TAOK3: variants seen among roughly 807,000 people sequenced by gnomAD.
The protein encoded by TAOK3 is TAO kinase 3.
A neutral mutation model predicts 120.4 loss-of-function variants in TAOK3; 40 were observed. The observed-to-expected ratio is 0.33, with a 90% CI of 0.26 to 0.43. The LOEUF (loss-of-function observed/expected upper bound fraction) is 0.43. Among genes scored for constraint, TAOK3 ranks in the 20% least tolerant of loss-of-function variants. The pLI is 1.00. For synonymous variants in TAOK3, 355 were observed against 387.5 expected, an observed-to-expected ratio of 0.92 and a Z score of 0.99; for missense variants, 821 against 1,112.1, an observed-to-expected ratio of 0.74 and a Z score of 3.72.
intron 1 of TAOK3, among the ~76,000 whole-genome samples, chr12:118,354,861 T>C (rs371055795): frequency 2.6e-5 from 4 of 152,086 alleles, no homozygotes; most frequent in Admixed American, 2.6e-4. Flanking sequence ...CTTTCCTGTA[T>C]AAATTACCCA....
chr12:118,165,125 T>C (rs2035497924), intron 17 of TAOK3, among the ~76,000 whole-genome samples: 1 of 152,316 alleles, frequency 6.6e-6, no homozygotes, highest in African/African-American at 2.4e-5. Context: ...ATCTCTCTCA[T>C]CTCCTCCCGT....
chr12:118,368,544 G>A (rs759498693), intron 1 of TAOK3, among the ~76,000 whole-genome samples: 1 of 146,536 alleles, frequency 6.8e-6, no homozygotes, highest in East Asian at 2.2e-4. Flanking sequence ...GGTGGCTCAC[G>A]CCTGTAATCC....
At chr12:118,176,860 G>A (rs951817080) in intron 16 of TAOK3, among the ~76,000 whole-genome samples, 3 of 151,732 alleles carry the variant, frequency 2.0e-5, no homozygotes, top group African/African-American at 7.3e-5. Flanking sequence ...TCTGCCTCTT[G>A]GGTTCAGGTG....
intron 1 of TAOK3, among the ~76,000 whole-genome samples, chr12:118,327,449 C>T (rs2043979590): frequency 6.6e-6 from 1 of 152,248 alleles, no homozygotes; most frequent in East Asian, 1.9e-4. Context: ...AGTATATTCA[C>T]TTTGAAAGAA....
At chr12:118,209,697 C>CTCT (rs995139805) in intron 11 of TAOK3, among the ~76,000 whole-genome samples, 15 of 145,194 alleles carry the variant, frequency 1.0e-4, no homozygotes, top group African/African-American at 3.1e-4. Flanking sequence ...TTGCACCCGG[C>CTCT]TCTTCTTCTT....
At position 118,169,553 on chromosome 12, in the gene TAOK3, C is replaced by T. The variant is rs187739876; in HGVS notation, c.1899+2904G>A. ...CTCGAACTCCTGACCTCAAGTGATC[C>T]GCCTGCCTGAGCCTCCCAAAGTGCT... On this transcript the variant is annotated intron_variant, in intron 17 of 20. Transcript: ENST00000392533. Among the ~76,000 whole-genome samples the T allele has an allele frequency of 7.6e-3, 1,158 of 152,080 alleles. 7 individuals carry two copies. Among genetic ancestry groups the T allele is most frequent in the African/African-American group, 0.026 (1,094 of 41,488 alleles).
At chr12:118,168,955 G>C in intron 17 of TAOK3, among the ~76,000 whole-genome samples, 2 of 140,294 alleles carry the variant, frequency 1.4e-5, no homozygotes, top group African/African-American at 5.4e-5. Context: ...CAGCTTGCTT[G>C]CTTTCCTTCC....
chr12:118,207,030 TA>T (rs1164451365), intron 11 of TAOK3, among the ~76,000 whole-genome samples: 1 of 151,632 alleles, frequency 6.6e-6, no homozygotes, highest in Non-Finnish European at 1.5e-5. Flanking sequence ...GAAAAATGTA[TA>T]AAAAAAGAAA....
chr12:118,238,295 A>G (rs61945206), intron 6 of TAOK3, 126 bp from the exon 7 acceptor site: 63,936 of 524,860 alleles, frequency 0.12, 4,368 homozygotes, highest in Non-Finnish European at 0.14. Context: ...ACATTCACCT[A>G]GATCTTCTAT....
intron 1 of TAOK3, among the ~76,000 whole-genome samples, chr12:118,317,773 T>C (rs1325242831): frequency 3.3e-5 from 5 of 152,078 alleles, no homozygotes; most frequent in South Asian, 2.1e-4. Flanking sequence ...AAAATCCATA[T>C]GATTTCAAAG....
At chr12:118,223,037 G>T (rs1022981251) in intron 9 of TAOK3, among the ~76,000 whole-genome samples, 1 of 151,122 alleles carries the variant, frequency 6.6e-6, no homozygotes, top group African/African-American at 2.4e-5. Context: ...TACCTGAAAA[G>T]GTATAAGGGT....
intron 2 of TAOK3, among the ~76,000 whole-genome samples, chr12:118,258,049 C>T (rs2041064083): frequency 6.6e-6 from 1 of 152,124 alleles, no homozygotes; most frequent in South Asian, 2.1e-4. Context: ...TAGGATGACT[C>T]AGCCTGTTTT....
chr12:118,339,274 A>ATTTT (rs2044502690), intron 1 of TAOK3, among the ~76,000 whole-genome samples: 1 of 104,918 alleles, frequency 9.5e-6, no homozygotes, highest in African/African-American at 3.9e-5. Flanking sequence ...TCTTCATCAT[A>ATTTT]CTTTTTTTTT....
chr12:118,323,533 C>T (rs756989826), intron 1 of TAOK3, among the ~76,000 whole-genome samples: 91 of 152,150 alleles, frequency 6.0e-4, no homozygotes, highest in Non-Finnish European at 1.1e-3. Flanking sequence ...CAAAGAAACA[C>T]TTATTAATTT....
rs532560540 is a variant in TAOK3, at chr12:118,348,586, G to C, written c.-194+24062C>G. Among the ~76,000 whole-genome samples the C allele has an allele frequency of 3.7e-4, 56 of 151,584 alleles. No homozygotes were observed. The South Asian group carries it at 0.011, about 29-fold the overall frequency. ...CTGCCTCAACTACCCGAGTAGCTCG[G>C]ACTACAGGTGCCCGCCACCACGCCT... On this transcript the variant is annotated intron_variant, in intron 1 of 20. Coordinates refer to ENST00000392533, the MANE Select transcript of TAOK3 (RefSeq NM_016281.4).
chr12:118,247,503 A>G (rs541021063), intron 3 of TAOK3, among the ~76,000 whole-genome samples: 2 of 151,936 alleles, frequency 1.3e-5, no homozygotes, highest in Non-Finnish European at 2.9e-5. Context: ...ACACACACAC[A>G]TACATACGTA....
At chr12:118,351,015 C>CA (rs1295871560) in intron 1 of TAOK3, among the ~76,000 whole-genome samples, 1 of 150,810 alleles carries the variant, frequency 6.6e-6, no homozygotes, top group Non-Finnish European at 1.5e-5. Context: ...CCCATCTCTA[C>CA]AAAAAATACA....
At position 118,150,693 on chromosome 12, in the gene TAOK3, T is replaced by C; in HGVS notation, c.*304A>G. On this transcript the variant is annotated 3_prime_UTR_variant, in exon 21 of 21. Coordinates refer to ENST00000392533, the MANE Select transcript of TAOK3 (RefSeq NM_016281.4). ...TTTTTTGTTGTTGGTTTATTGGTTT[T>C]GTTAAAACTGTCTCCAAAGTTTTCA... is the stretch of plus-strand genomic sequence containing the variant. The C allele has an allele frequency of 4.2e-6, 1 of 240,420 alleles. No homozygotes were observed. The highest frequency in any genetic ancestry group is 8.0e-5 in the East Asian group (1 of 12,474). The allele number at this position is 240,420 out of a possible 1,614,324, so 14.9% of individuals were successfully genotyped here. A position where few individuals can be genotyped will look rare whatever the true frequency, so the allele number is the denominator to read the frequency against.
chr12:118,355,895 G>A (rs975815074), intron 1 of TAOK3, among the ~76,000 whole-genome samples: 2 of 152,118 alleles, frequency 1.3e-5, no homozygotes, highest in Non-Finnish European at 2.9e-5. Context: ...CTGAGGTTTC[G>A]GGGAGGTTAA....
Sources: gnomAD v4.1 joint callset for allele counts (sites outside exome capture counted in the v4.1 genomes callset) on GRCh38, gnomAD v4.1.1 for gene constraint, MANE v1.5 for transcripts, NCBI Gene and HGNC (gene_info 2026-07-23, HGNC 2026-07-21) for gene names.